RGS7: variants seen among roughly 807,000 people sequenced by gnomAD.
RGS7 encodes regulator of G-protein signaling 7.
RGS7 carries 27 observed loss-of-function variants against 81.1 expected under a neutral mutation model. The observed-to-expected ratio is 0.33, with a 90% CI of 0.25 to 0.46. The LOEUF (loss-of-function observed/expected upper bound fraction) is 0.46. Among genes scored for constraint, RGS7 ranks in the 20% least tolerant of loss-of-function variants. The pLI, the probability that RGS7 is intolerant of heterozygous loss-of-function variation, is 1.00. For missense variants in RGS7, 396 were observed against 607.4 expected, an observed-to-expected ratio of 0.65 and a Z score of 3.66; for synonymous variants, 208 against 207.7, an observed-to-expected ratio of 1.00 and a Z score of -0.01.
intron 2 of RGS7, among the ~76,000 whole-genome samples, chr1:241,246,350 C>G (rs1879742): frequency 0.14 from 21,851 of 152,054 alleles, 1,761 homozygotes; most frequent in African/African-American, 0.21. Context: ...CAATGCTTCA[C>G]TACTAAGGTA....
At chr1:241,279,904 T>TATAG (rs973935992) in intron 2 of RGS7, among the ~76,000 whole-genome samples, 3 of 152,172 alleles carry the variant, frequency 2.0e-5, no homozygotes, top group African/African-American at 7.2e-5. Flanking sequence ...TATCCCTTTT[T>TATAG]ATAGCTAGTG....
In RGS7 at chr1:241,220,974, G is replaced by GAAGAAGC. The variant is rs1558202866; in HGVS notation, c.79-122213_79-122212insGCTTCTT. ...GCAAGGAAGGAAGGAAGGAAGGAAG[G>GAAGAAGC]AAGGAAGGAAGGAAGGAAGGAAGAG... On this transcript the variant is annotated intron_variant, in intron 2 of 18. Transcript: ENST00000440928. Among the ~76,000 whole-genome samples, 300 of 75,740 alleles carry GAAGAAGC rather than the reference G, an allele frequency of 4.0e-3. 1 individual carries two copies. Among genetic ancestry groups the GAAGAAGC allele is most frequent in the Non-Finnish European group, 6.5e-3 (222 of 34,332 alleles). The allele number at this position is 75,740 out of a possible 152,430, so 49.7% of individuals were successfully genotyped here.
At chr1:241,080,208 G>GA (rs1383732921) in intron 3 of RGS7, among the ~76,000 whole-genome samples, 1 of 151,030 alleles carries the variant, frequency 6.6e-6, no homozygotes, top group African/African-American at 2.4e-5. Flanking sequence ...GATGAGGCAT[G>GA]AAAAAAACAA....
chr1:241,003,354 G>C (rs573860734), intron 3 of RGS7, among the ~76,000 whole-genome samples: 1 of 150,996 alleles, frequency 6.6e-6, no homozygotes, highest in Non-Finnish European at 1.5e-5. Context: ...CCAGCTACTC[G>C]GGAGGCTGAG....
At chr1:240,887,781 T>C (rs1229053323) in intron 6 of RGS7, among the ~76,000 whole-genome samples, 1 of 152,236 alleles carries the variant, frequency 6.6e-6, no homozygotes, top group Non-Finnish European at 1.5e-5. Context: ...GTTTAATGGA[T>C]ACCTCAGTGT....
At chr1:241,321,532 A>AT (rs1367581409) in intron 2 of RGS7, among the ~76,000 whole-genome samples, 3 of 152,180 alleles carry the variant, frequency 2.0e-5, no homozygotes, top group Admixed American at 6.5e-5. Context: ...AGATTAAAAG[A>AT]TTTTTTTAAC....
intron 3 of RGS7, among the ~76,000 whole-genome samples, chr1:241,050,436 T>C (rs1386053794): frequency 1.3e-5 from 2 of 152,188 alleles, no homozygotes; most frequent in African/African-American, 2.4e-5. Context: ...CTATGTTCCA[T>C]CATGGGACAC....
chr1:241,239,673 C>T (rs2076173855), intron 2 of RGS7, among the ~76,000 whole-genome samples: 3 of 152,030 alleles, frequency 2.0e-5, no homozygotes, highest in South Asian at 4.2e-4. Context: ...AGTCTAGATC[C>T]GTGGTTCTCA....
rs377021255 is a variant in RGS7, at chr1:241,135,148, C to T, written c.79-36386G>A. ...GCTCATTAAAACAGCATGTTGCGGC[C>T]GGGCGCGGTGGCTCATGCCTGTAAT... On this transcript the variant is annotated intron_variant, in intron 2 of 18. Coordinates refer to ENST00000440928, the MANE Select transcript of RGS7 (RefSeq NM_001364886.1). 3.7e-4 allele frequency among the ~76,000 whole-genome samples: 57 copies of T among 152,292 alleles called. 1 individual carries two copies. In the South Asian group the frequency reaches 0.011, roughly 28 times the overall value.
chr1:241,004,957 T>C (rs533954971), intron 3 of RGS7, among the ~76,000 whole-genome samples: 16 of 152,332 alleles, frequency 1.1e-4, no homozygotes, highest in Admixed American at 4.6e-4. Context: ...AGTTTGCTTC[T>C]GAGGCTGCTT....
chr1:241,064,811 C>T (rs1021650799), intron 3 of RGS7, among the ~76,000 whole-genome samples: 4 of 152,018 alleles, frequency 2.6e-5, no homozygotes, highest in East Asian at 1.9e-4. Context: ...TTTGTGCATC[C>T]GTAGTGCCAT....
chr1:241,259,511 G>A (rs991267597), intron 2 of RGS7, among the ~76,000 whole-genome samples: 4 of 151,162 alleles, frequency 2.6e-5, no homozygotes, highest in South Asian at 4.2e-4. Context: ...TTAGTCAAGC[G>A]TGGTGGTGCA....
At chr1:241,206,900 C>T (rs1214507178) in intron 2 of RGS7, among the ~76,000 whole-genome samples, 1 of 150,832 alleles carries the variant, frequency 6.6e-6, no homozygotes, top group African/African-American at 2.4e-5. Flanking sequence ...TCTCAATTTA[C>T]CTTCTTTCTT....
chr1:241,016,666 G>T (rs532514907), intron 3 of RGS7, among the ~76,000 whole-genome samples: 5 of 152,162 alleles, frequency 3.3e-5, no homozygotes, highest in African/African-American at 1.2e-4. Flanking sequence ...CCTGGGACTA[G>T]AGTACTAATG....
At chr1:241,181,608 C>T (rs1354898198) in intron 2 of RGS7, among the ~76,000 whole-genome samples, 1 of 152,124 alleles carries the variant, frequency 6.6e-6, no homozygotes, top group African/African-American at 2.4e-5. Flanking sequence ...CCAGATGTTA[C>T]AGGAGGATAC....
At chr1:241,058,034 T>C (rs1199994347) in intron 3 of RGS7, among the ~76,000 whole-genome samples, 1 of 152,116 alleles carries the variant, frequency 6.6e-6, no homozygotes, top group East Asian at 1.9e-4. Context: ...GTTGTCACGC[T>C]GCCTCTCTAA....
At chr1:241,194,082 G>T (rs933765517) in intron 2 of RGS7, among the ~76,000 whole-genome samples, 10 of 152,068 alleles carry the variant, frequency 6.6e-5, no homozygotes, top group African/African-American at 2.2e-4. Context: ...GTCTATATTC[G>T]TTAGACAGCA....
At chr1:241,220,982 G>GAAGAAAGAAAGAAAGAGAGAGAGA (rs2074894428) in intron 2 of RGS7, among the ~76,000 whole-genome samples, 1 of 47,388 alleles carries the variant, frequency 2.1e-5, no homozygotes, top group African/African-American at 7.2e-5. Context: ...AGGAAGGAAG[G>GAAGAAAGAAAGAAAGAGAGAGAGA]AAGGAAGGAA....
intron 6 of RGS7, among the ~76,000 whole-genome samples, chr1:240,884,077 CAAAAAAAAAAAAAAA>C: frequency 1.7e-5 from 1 of 57,376 alleles, no homozygotes; most frequent in East Asian, 6.4e-4. Flanking sequence ...AACTCCATCT[CAAAAAAAAAAAAAAA>C]AAAAAAAAAA....
Sources: gnomAD v4.1 joint callset for allele counts (sites outside exome capture counted in the v4.1 genomes callset) on GRCh38, gnomAD v4.1.1 for gene constraint, MANE v1.5 for transcripts, NCBI Gene and HGNC (gene_info 2026-07-23, HGNC 2026-07-21) for gene names.